Variants in GRID2 observed in about 807,000 individuals in gnomAD.
GRID2 encodes the protein glutamate ionotropic receptor delta type subunit 2, also known as glutamate receptor ionotropic, delta-2.
GRID2 carries 33 observed loss-of-function variants against 114.8 expected under a neutral mutation model. The observed-to-expected ratio is 0.29, with a 90% confidence interval of 0.22 to 0.38. GRID2 has a LOEUF of 0.38. Among genes scored for constraint, GRID2 ranks in the 10% least tolerant of loss-of-function variants. The pLI is 1.00. For synonymous variants in GRID2, 505 were observed against 449.9 expected (o/e 1.12, Z -1.55); for missense variants, 1,184 against 1,257.7 (o/e 0.94, Z 0.89).
In GRID2 at chr4:93,104,224, G is replaced by C. The variant is rs569762703; in HGVS notation, c.530-6524G>C. Among the ~76,000 whole-genome samples, 4 of 152,246 alleles carry C rather than the reference G, an allele frequency of 2.6e-5. No homozygotes were observed. In the East Asian group the frequency reaches 7.7e-4, roughly 29 times the overall value. ...ATACAGACTTATGGATGAAAATATA[G>C]TTCTATGTTAGTTTCTATTGCTGGT... On this transcript the variant is annotated intron_variant, in intron 3 of 15. Coordinates refer to ENST00000282020, the MANE Select transcript of GRID2 (RefSeq NM_001510.4).
intron 4 of GRID2, among the ~76,000 whole-genome samples, chr4:93,116,310 T>G (rs913867739): frequency 3.3e-5 from 5 of 152,178 alleles, no homozygotes; most frequent in African/African-American, 9.6e-5. Flanking sequence ...GCACGTATTT[T>G]CTATTCTGTT....
At chr4:93,210,823 CT>C (rs1006443020) in intron 5 of GRID2, among the ~76,000 whole-genome samples, 2 of 151,874 alleles carry the variant, frequency 1.3e-5, no homozygotes, top group African/African-American at 4.8e-5. Flanking sequence ...ATGTCACTAG[CT>C]TTTTTGTATT....
intron 8 of GRID2, among the ~76,000 whole-genome samples, chr4:93,383,052 G>A (rs999908759): frequency 1.3e-5 from 2 of 151,948 alleles, no homozygotes; most frequent in Admixed American, 6.6e-5. Context: ...CTAATTTCCC[G>A]TGTGTATGTG....
At chr4:92,882,622 A>C (rs1343186015) in intron 2 of GRID2, among the ~76,000 whole-genome samples, 2 of 152,154 alleles carry the variant, frequency 1.3e-5, no homozygotes, top group Non-Finnish European at 2.9e-5. Context: ...TCATCACATT[A>C]ATATACATGC....
intron 1 of GRID2, among the ~76,000 whole-genome samples, chr4:92,439,034 G>A (rs946121261): frequency 1.3e-5 from 2 of 152,054 alleles, no homozygotes; most frequent in Non-Finnish European, 2.9e-5. Context: ...GGGGCAGGTG[G>A]GCTGAGTCCG....
intron 1 of GRID2, among the ~76,000 whole-genome samples, chr4:92,585,196 GT>G (rs1728371339): frequency 6.6e-6 from 1 of 151,868 alleles, no homozygotes; most frequent in South Asian, 2.1e-4. Flanking sequence ...AAGAGAAAAA[GT>G]GAGGGGAAAA....
chr4:93,014,692 A>T (rs189200650), intron 2 of GRID2, among the ~76,000 whole-genome samples: 20 of 152,294 alleles, frequency 1.3e-4, no homozygotes, highest in African/African-American at 4.8e-4. Flanking sequence ...GTCAAATGTA[A>T]TTGTGAAATT....
At chr4:93,188,506 A>G (rs568948019) in intron 4 of GRID2, among the ~76,000 whole-genome samples, 8 of 152,252 alleles carry the variant, frequency 5.3e-5, no homozygotes, top group African/African-American at 1.7e-4. Context: ...TCTGAGATGC[A>G]TTTGTGGAGT....
At chr4:93,171,826 G>GAATTT (rs151074123) in intron 4 of GRID2, among the ~76,000 whole-genome samples, 11,399 of 152,128 alleles carry the variant, frequency 0.075, 1,245 homozygotes, top group African/African-American at 0.24. Context: ...AAAGTAAATT[G>GAATTT]AAGTCCCGCA....
At chr4:92,766,259 C>G (rs1051542770) in intron 2 of GRID2, among the ~76,000 whole-genome samples, 4 of 152,132 alleles carry the variant, frequency 2.6e-5, no homozygotes, top group African/African-American at 7.2e-5. Context: ...ACACTTTTAG[C>G]TGGGTGCGGT....
At chr4:92,611,146 A>G (rs201023367) in intron 2 of GRID2, among the ~76,000 whole-genome samples, 12 of 136,126 alleles carry the variant, frequency 8.8e-5, no homozygotes, top group Admixed American at 2.9e-4. Flanking sequence ...GTGTGTGTGC[A>G]TGTGTGTGTG....
chr4:92,957,243 A>T (rs1447541393), intron 2 of GRID2, among the ~76,000 whole-genome samples: 5 of 151,082 alleles, frequency 3.3e-5, no homozygotes, highest in African/African-American at 9.7e-5. Flanking sequence ...AGGTCATATG[A>T]TTTTTTTTTC....
At chr4:92,874,814 A>AT (rs1259079973) in intron 2 of GRID2, among the ~76,000 whole-genome samples, 7 of 152,318 alleles carry the variant, frequency 4.6e-5, no homozygotes, top group African/African-American at 1.7e-4. Context: ...TACTCAGATA[A>AT]TTGCATCACT....
chr4:92,877,318 A>G (rs1745702248), intron 2 of GRID2, among the ~76,000 whole-genome samples: 1 of 152,232 alleles, frequency 6.6e-6, no homozygotes, highest in African/African-American at 2.4e-5. Flanking sequence ...TAAAAGGGAT[A>G]AGTTTAGCCA....
At chr4:93,580,504 A>G (rs1237727467) in intron 13 of GRID2, among the ~76,000 whole-genome samples, 1 of 152,196 alleles carries the variant, frequency 6.6e-6, no homozygotes, top group Non-Finnish European at 1.5e-5. Context: ...AATAAAACTT[A>G]CAAGATAGCT....
intron 1 of GRID2, among the ~76,000 whole-genome samples, chr4:92,488,425 T>C: frequency 6.6e-6 from 1 of 152,142 alleles, no homozygotes; most frequent in East Asian, 1.9e-4. Context: ...TTCTTATGCC[T>C]CCACTGGATG....
At chr4:93,590,667 T>C (rs1360750659) in intron 13 of GRID2, among the ~76,000 whole-genome samples, 1 of 152,234 alleles carries the variant, frequency 6.6e-6, no homozygotes, top group African/African-American at 2.4e-5. Context: ...TTTCACGATA[T>C]TGATTCTTCC....
intron 2 of GRID2, among the ~76,000 whole-genome samples, chr4:92,893,593 T>C (rs2149472299): frequency 6.6e-6 from 1 of 152,152 alleles, no homozygotes; most frequent in South Asian, 2.1e-4. Flanking sequence ...ATGTGTAACT[T>C]TTTTTTTCCT....
chr4:92,808,038 A>G (rs1740500050), intron 2 of GRID2, among the ~76,000 whole-genome samples: 1 of 152,020 alleles, frequency 6.6e-6, no homozygotes, highest in African/African-American at 2.4e-5. Flanking sequence ...GGGTGATTAT[A>G]TTGTAATCAT....
Sources: gnomAD v4.1 joint callset for allele counts (sites outside exome capture counted in the v4.1 genomes callset) on GRCh38, gnomAD v4.1.1 for gene constraint, MANE v1.5 for transcripts, NCBI Gene and HGNC (gene_info 2026-07-23, HGNC 2026-07-21) for gene names.